The following SBF1 variants were observed in gnomAD, a reference collection of about 807,000 sequenced individuals.
SBF1 encodes the protein SET binding factor 1.
In SBF1, 65 loss-of-function variants were observed where a neutral mutation model predicts 215.8. The ratio of observed to expected loss-of-function variants is 0.30; its 90% confidence interval spans 0.25 to 0.37. The LOEUF (loss-of-function observed/expected upper bound fraction) is 0.37, where lower values mean the gene tolerates loss of function less well. SBF1 is among the 10% of genes least tolerant of loss of function. The pLI, the probability that SBF1 is intolerant of heterozygous loss-of-function variation, is 1.00. For synonymous variants in SBF1, 1,410 were observed against 1,122.8 expected, an observed-to-expected ratio of 1.26 and a Z score of -5.11; for missense variants, 2,634 against 2,667.8, an observed-to-expected ratio of 0.99 and a Z score of 0.28.
intron 36 of SBF1, among the ~76,000 whole-genome samples, chr22:50,450,783 G>A (rs1297093399): frequency 2.0e-5 from 3 of 151,962 alleles, no homozygotes; most frequent in Admixed American, 1.3e-4. Context: ...ACCTACCTGC[G>A]AGAATAAAAC....
Position 50,466,389 on chromosome 22 carries a change from C to T in SBF1, c.749G>A (p.Cys250Tyr), listed in dbSNP as rs2067756785. The change falls in exon 7 of 41, where the codon TGT (cysteine) becomes TAT (tyrosine). Residue 250 changes from cysteine (C) to tyrosine (Y), a missense_variant. Physicochemically the swap from Cys to Tyr is radical, Grantham distance 194. Transcript: ENST00000380817. Reference protein sequence around the residue: ...SRSYQRLADACRGLLALLFPL... With the variant: ...SRSYQRLADAYRGLLALLFPL... ...AAACAGCAGTGCCAGGAGGCCCCTA[C>T]AGGCATCGGCGAGCCGCTGGTAGCT... 1 of 1,554,582 alleles carries T rather than the reference C, an allele frequency of 6.4e-7. No homozygotes were observed. The highest frequency in any genetic ancestry group is 2.4e-5 in the East Asian group (1 of 41,032).
Position 50,446,733 on chromosome 22 carries a change from T to G in SBF1, c.*409A>C. The G allele has an allele frequency of 2.2e-6, 1 of 462,548 alleles. No individual in the cohort carries two copies. Among genetic ancestry groups the G allele is most frequent in the Non-Finnish European group, 4.3e-6 (1 of 233,834 alleles). The allele number at this position is 462,548 out of a possible 1,614,324, so 28.7% of individuals were successfully genotyped here. A position where few individuals can be genotyped will look rare whatever the true frequency, so the allele number is the denominator to read the frequency against. On this transcript the variant is annotated 3_prime_UTR_variant, in exon 41 of 41. Transcript: ENST00000380817. ...CAACCTCCCGCCAGGTGGGCCTGGA[T>G]AGGGGCAGATGGGACCCTCTGGGTA...
At position 50,459,395 on chromosome 22, in the gene SBF1, G is replaced by C; in HGVS notation, c.3689-3C>G. On this transcript the variant is annotated splice_region_variant and splice_polypyrimidine_tract_variant and intron_variant, in intron 27 of 40. Coordinates refer to ENST00000380817, the MANE Select transcript of SBF1 (RefSeq NM_002972.4). Reference sequence around the variant, plus strand: ...ACTCGAGTCCGCCTGGGACTGGCCTGGGGGAGGACACGGAGCTGAGGGAGG... The same window carrying C: ...ACTCGAGTCCGCCTGGGACTGGCCTCGGGGAGGACACGGAGCTGAGGGAGG... 1 of 1,612,114 alleles carries C rather than the reference G, an allele frequency of 6.2e-7. No individual in the cohort carries two copies. The highest frequency in any genetic ancestry group is 8.5e-7 in the Non-Finnish European group (1 of 1,179,166).
chr22:50,455,370 G>A lies in SBF1; in HGVS notation c.4408C>T (p.Arg1470Cys), dbSNP rs2067206880. ...LVQLLSDPFY[R>C]TLEGFRLLVE... Reference sequence around the variant, plus strand: ...AGCAGGCGAAAGCCCTCCAGCGTGCGGTAGAAGGGGTCTGAGAGCAGCTGC... The same window carrying A: ...AGCAGGCGAAAGCCCTCCAGCGTGCAGTAGAAGGGGTCTGAGAGCAGCTGC... The change falls in exon 33 of 41, where the codon CGC becomes TGC. Residue 1470 changes from arginine to cysteine, a missense_variant. By Grantham distance (180) the Arg-to-Cys change is radical. Transcript: ENST00000380817. The A allele has an allele frequency of 2.5e-6, 4 of 1,613,174 alleles. No homozygotes were observed. Among genetic ancestry groups the A allele is most frequent in the Non-Finnish European group, 2.5e-6 (3 of 1,179,816 alleles).
rs35113353 is a variant in SBF1 at position 50,457,643 on chromosome 22, GC to G, written c.3827-533del. Among the ~76,000 whole-genome samples the G allele has an allele frequency of 3.4e-3, 519 of 152,394 alleles. 2 individuals are homozygous for G. Among genetic ancestry groups the G allele is most frequent in the South Asian group, 0.023 (109 of 4,834 alleles). On this transcript the variant is annotated intron_variant, in intron 28 of 40. Transcript: ENST00000380817. ...TGAGCCCAGTCCAAAAGGACGGAGAGCAGCTCAGTCCAGGACACAGGCAGAT... is the reference window on the plus strand; with the variant it reads ...TGAGCCCAGTCCAAAAGGACGGAGAGAGCTCAGTCCAGGACACAGGCAGAT...
Position 50,454,574 on chromosome 22 carries a change from C to G in SBF1, c.4981G>C (p.Val1661Leu). Residue 1661 changes from valine to leucine, a missense_variant, in exon 36 of 41, where the codon GTG becomes CTG. Val to Leu is a conservative substitution (Grantham distance 32). Coordinates refer to ENST00000380817, the MANE Select transcript of SBF1 (RefSeq NM_002972.4). ...GGGCAGCTGTCGTAACAGGGCCACACCACGCGGCGCCTGCTCTGGGGAGCG... is the reference window on the plus strand; with the variant it reads ...GGGCAGCTGTCGTAACAGGGCCACAGCACGCGGCGCCTGCTCTGGGGAGCG... Reference protein sequence around the residue: ...GGAPQSRRRVVWPCYDSCPRA... With the variant: ...GGAPQSRRRVLWPCYDSCPRA... 2 of 1,611,670 alleles carry G rather than the reference C, an allele frequency of 1.2e-6. No homozygotes were observed. The highest frequency in any genetic ancestry group is 1.7e-6 in the Non-Finnish European group (2 of 1,179,626).
chr22:50,452,329 C>A (rs138247994), intron 36 of SBF1, among the ~76,000 whole-genome samples: 1 of 151,964 alleles, frequency 6.6e-6, no homozygotes, highest in Non-Finnish European at 1.5e-5. Flanking sequence ...ATAACCAGAC[C>A]AGATTATACT....
At chr22:50,450,470 G>A (rs952431434) in intron 36 of SBF1, among the ~76,000 whole-genome samples, 16 of 151,416 alleles carry the variant, frequency 1.1e-4, no homozygotes, top group South Asian at 2.1e-4. Flanking sequence ...GCAGTGAGCC[G>A]AGAGTGCGCC....
At chr22:50,467,242 C>T in intron 5 of SBF1, 96 bp downstream of exon 5, 1 of 1,018,488 alleles carries the variant, frequency 9.8e-7, no homozygotes, top group Non-Finnish European at 1.5e-6. Context: ...CCAAGGCCTC[C>T]AGCTGTGTGT....
At position 50,464,542 on chromosome 22, in the gene SBF1, G is replaced by T. The variant is rs769125636; in HGVS notation, c.1628C>A (p.Pro543His). Residue 543 changes from proline to histidine, a missense_variant, in exon 14 of 41, where the codon CCC (proline) becomes CAC (histidine). Physicochemically the swap from Pro to His is moderately conservative, Grantham distance 77 (BLOSUM62 -2). Transcript: ENST00000380817. ...CCTCCCTCATTACGCACTCATGGGG[G>T]GCCCTGAGGGCACGGTGGTCCTCCT... is the stretch of plus-strand genomic sequence containing the variant. The part of the protein sequence containing the change: ...AERRTTVPSG[P>H]PMTAILERCS... 3 of 1,609,718 alleles carry T rather than the reference G, an allele frequency of 1.9e-6. No homozygotes were observed. Among genetic ancestry groups the T allele is most frequent in the East Asian group, 2.2e-5 (1 of 44,816 alleles).
intron 28 of SBF1, among the ~76,000 whole-genome samples, chr22:50,458,349 G>C (rs4824149): frequency 1.3e-5 from 2 of 148,566 alleles, no homozygotes; most frequent in Non-Finnish European, 3.0e-5. Flanking sequence ...TAGAAGCCAC[G>C]ACTACAGCTG....
chr22:50,458,100 T>C (rs1035981792), intron 28 of SBF1, among the ~76,000 whole-genome samples: 6 of 151,810 alleles, frequency 4.0e-5, no homozygotes, highest in East Asian at 1.9e-4. Flanking sequence ...GAGATCGAGA[T>C]CATCCTGGCT....
rs58188399 is a variant in SBF1, at chr22:50,451,166, C to CAAA, written c.5044-2519_5044-2517dup. The stretch of plus-strand genomic sequence containing the variant: ...GTGACATAGGGAGACCCCATCTCTA[C>CAAA]AAAAAAAAAAAAAAAAAAAAAAAAA... On this transcript the variant is annotated intron_variant, in intron 36 of 40. Transcript: ENST00000380817. Among the ~76,000 whole-genome samples, 63 of 83,184 alleles carry CAAA rather than the reference C, an allele frequency of 7.6e-4. 7 individuals carry two copies. The highest frequency in any genetic ancestry group is 2.5e-3 in the African/African-American group (46 of 18,712). The allele number at this position is 83,184 out of a possible 152,430, so 54.6% of individuals were successfully genotyped here.
At chr22:50,461,499 G>A (rs1267014961) in intron 22 of SBF1, 24 bp downstream of exon 22, 3 of 1,577,034 alleles carry the variant, frequency 1.9e-6, no homozygotes, top group Non-Finnish European at 2.6e-6. Context: ...GGGGGCGACA[G>A]GGCCAGAGAG....
Position 50,473,621 on chromosome 22 carries a change from T to C in SBF1, c.55+1165A>G, listed in dbSNP as rs925296723. ...AAGATGCTAAAGAGGCTTCAGGAAG[T>C]GTAGGGGGGTGTCCAGCAGAAGAAA... On this transcript the variant is annotated intron_variant, in intron 1 of 40. Coordinates refer to ENST00000380817, the MANE Select transcript of SBF1 (RefSeq NM_002972.4). 5.3e-4 allele frequency among the ~76,000 whole-genome samples: 80 copies of C among 151,614 alleles called. 2 individuals are homozygous for C. The highest frequency in any genetic ancestry group is 1.8e-3 in the African/African-American group (73 of 41,248).
At chr22:50,472,543 G>A (rs769146030) in intron 1 of SBF1, among the ~76,000 whole-genome samples, 2 of 152,144 alleles carry the variant, frequency 1.3e-5, no homozygotes, top group Admixed American at 1.3e-4. Context: ...CATTTCCAGG[G>A]CCTCCTGTGT....
At position 50,446,562 on chromosome 22, in the gene SBF1, A is replaced by G; in HGVS notation, c.*580T>C. 1 of 289,688 alleles carries G rather than the reference A, an allele frequency of 3.5e-6. No individual in the cohort carries two copies. The highest frequency in any genetic ancestry group is 1.3e-3 in the Middle Eastern group (1 of 788). The allele number at this position is 289,688 out of a possible 1,614,324, so 17.9% of individuals were successfully genotyped here. On this transcript the variant is annotated 3_prime_UTR_variant, in exon 41 of 41. Coordinates refer to ENST00000380817, the MANE Select transcript of SBF1 (RefSeq NM_002972.4). ...TTCCTCTCCAGCCGTGCCGGCCCCT[A>G]GACCAGCCCTGAGGCGTGGAGGGAA...
Position 50,446,924 on chromosome 22 carries a change from T to C in SBF1, c.*218A>G. The C allele has an allele frequency of 1.4e-6, 1 of 721,158 alleles. No homozygotes were observed. The highest frequency in any genetic ancestry group is 2.6e-5 in the East Asian group (1 of 38,846). The allele number at this position is 721,158 out of a possible 1,614,324, so 44.7% of individuals were successfully genotyped here. On this transcript the variant is annotated 3_prime_UTR_variant, in exon 41 of 41. Coordinates refer to ENST00000380817, the MANE Select transcript of SBF1 (RefSeq NM_002972.4). ...TACAGGCCCATTGCGGGCTGTACCT[T>C]GGCCACCTCCCGGCACGGTGCTCAG...
intron 1 of SBF1, among the ~76,000 whole-genome samples, chr22:50,474,241 CAA>C (rs2068093391): frequency 6.6e-6 from 1 of 152,246 alleles, no homozygotes. Flanking sequence ...CTCCCAGTTT[CAA>C]ATCAAACACC....
Sources: allele counts gnomAD v4.1 joint callset (sites outside exome capture counted in the v4.1 genomes callset), GRCh38; gene constraint gnomAD v4.1.1; transcripts MANE v1.5; gene names NCBI Gene and HGNC (gene_info 2026-07-23, HGNC 2026-07-21).